TSPAN2: variants seen among roughly 807,000 people sequenced by gnomAD.
The protein encoded by TSPAN2 is tetraspanin 2.
In TSPAN2, 24 loss-of-function variants were observed where a neutral mutation model predicts 33.3. The observed-to-expected ratio is 0.72, with a 90% CI of 0.52 to 1.01. The LOEUF is 1.01. Among genes scored for constraint, TSPAN2 ranks in the 50% least tolerant of loss-of-function variants. The pLI, the probability that TSPAN2 is intolerant of heterozygous loss-of-function variation, is 0.00. For synonymous variants in TSPAN2, 114 were observed against 104.5 expected (o/e 1.09, Z -0.56); for missense variants, 278 against 281.3 (o/e 0.99, Z 0.08).
intron 1 of TSPAN2, among the ~76,000 whole-genome samples, chr1:115,080,886 T>C (rs1444914327): frequency 6.6e-6 from 1 of 152,206 alleles, no homozygotes; most frequent in African/African-American, 2.4e-5. Context: ...CAATGACTAC[T>C]GTGACATCTC....
At chr1:115,059,182 A>C (rs1370587915) in intron 4 of TSPAN2, among the ~76,000 whole-genome samples, 1 of 152,200 alleles carries the variant, frequency 6.6e-6, no homozygotes, top group Non-Finnish European at 1.5e-5. Context: ...TACAGTGTAC[A>C]CTGCTCGGGT....
chr1:115,053,510 A>T, intron 6 of TSPAN2, 48 bp from the exon 7 acceptor site: 1 of 1,489,680 alleles, frequency 6.7e-7, no homozygotes, highest in Non-Finnish European at 9.3e-7. Flanking sequence ...TGTATGTGTC[A>T]GTCATTATCC....
At chr1:115,087,282 T>C (rs1648873303) in intron 1 of TSPAN2, among the ~76,000 whole-genome samples, 1 of 151,906 alleles carries the variant, frequency 6.6e-6, no homozygotes, top group Admixed American at 6.6e-5. Flanking sequence ...GGAACCACTT[T>C]TGAGAACCAC....
At chr1:115,053,606 G>T in intron 6 of TSPAN2, 144 bp from the exon 7 acceptor site, 1 of 707,534 alleles carries the variant, frequency 1.4e-6, no homozygotes, top group Non-Finnish European at 2.3e-6. Flanking sequence ...ATTCATCTTT[G>T]ATAACATCAT....
intron 1 of TSPAN2, 102 bp downstream of exon 1, chr1:115,089,262 C>G (rs907346522): frequency 9.6e-6 from 10 of 1,046,282 alleles, no homozygotes; most frequent in Non-Finnish European, 1.2e-5. Context: ...GCCCTCCCCA[C>G]GAGCGCGACT....
chr1:115,086,802 T>C (rs1245767152), intron 1 of TSPAN2, among the ~76,000 whole-genome samples: 2 of 152,206 alleles, frequency 1.3e-5, no homozygotes, highest in African/African-American at 2.4e-5. Context: ...ACAGAATGGG[T>C]CTCAAATTTG....
At chr1:115,050,885 T>C (rs1428620734) in intron 7 of TSPAN2, among the ~76,000 whole-genome samples, 2 of 152,224 alleles carry the variant, frequency 1.3e-5, no homozygotes, top group African/African-American at 4.8e-5. Context: ...AGGTTAATCC[T>C]AGATCTCTTT....
At chr1:115,050,765 C>T (rs1675292800) in intron 7 of TSPAN2, among the ~76,000 whole-genome samples, 1 of 152,100 alleles carries the variant, frequency 6.6e-6, no homozygotes, top group African/African-American at 2.4e-5. Flanking sequence ...TTATTGTTAA[C>T]AAGTAACAAG....
In TSPAN2 at chr1:115,048,033, T is replaced by C. The variant is rs1675201572; in HGVS notation, c.*2457A>G. On this transcript the variant is annotated 3_prime_UTR_variant, in exon 8 of 8. Coordinates refer to ENST00000369516, the MANE Select transcript of TSPAN2 (RefSeq NM_005725.6). ...CAATTTCAGTATATAGAAAATTTAA[T>C]ATGAAATCACTTAAAATATTTCAAC... is the stretch of plus-strand genomic sequence containing the variant. 1 of 151,974 alleles carries C rather than the reference T, an allele frequency of 6.6e-6. No homozygotes were observed. The allele number at this position is 151,974 out of a possible 1,614,324, so 9.4% of individuals were successfully genotyped here.
intron 7 of TSPAN2, 67 bp downstream of exon 7, chr1:115,053,307 TGAAAA>T (rs1647259246): frequency 7.3e-7 from 1 of 1,374,406 alleles, no homozygotes; most frequent in African/African-American, 1.4e-5. Context: ...CTATCACACT[TGAAAA>T]GAAATAAGAT....
intron 1 of TSPAN2, among the ~76,000 whole-genome samples, chr1:115,081,849 G>A (rs758541264): frequency 1.4e-4 from 21 of 151,684 alleles, no homozygotes; most frequent in Non-Finnish European, 2.7e-4. Context: ...TGCTGCAGCC[G>A]TCCTCTACTA....
At chr1:115,086,735 G>A (rs1648848952) in intron 1 of TSPAN2, among the ~76,000 whole-genome samples, 1 of 152,164 alleles carries the variant, frequency 6.6e-6, no homozygotes, top group South Asian at 2.1e-4. Flanking sequence ...AATGAGATGA[G>A]CAGCTTAGGG....
At chr1:115,059,037 T>C in intron 4 of TSPAN2, 56 bp from the exon 5 acceptor site, 1 of 1,345,042 alleles carries the variant, frequency 7.4e-7, no homozygotes, top group Non-Finnish European at 1.1e-6. Context: ...TCAAACATTC[T>C]CCTTTCATCA....
chr1:115,071,316 C>T (rs893766279), intron 2 of TSPAN2, among the ~76,000 whole-genome samples: 1 of 152,090 alleles, frequency 6.6e-6, no homozygotes, highest in Non-Finnish European at 1.5e-5. Flanking sequence ...TTTACTCATT[C>T]AAAAAAGGGA....
intron 1 of TSPAN2, among the ~76,000 whole-genome samples, chr1:115,078,688 C>T (rs1330483707): frequency 6.6e-6 from 1 of 152,172 alleles, no homozygotes; most frequent in African/African-American, 2.4e-5. Flanking sequence ...ACCTCCAGCA[C>T]CTGACCTCTG....
intron 2 of TSPAN2, among the ~76,000 whole-genome samples, chr1:115,071,397 T>C (rs1217372183): frequency 6.6e-6 from 1 of 152,220 alleles, no homozygotes; most frequent in Non-Finnish European, 1.5e-5. Context: ...CTGGAGCCAC[T>C]GCAGCTATCT....
At chr1:115,064,058 GAA>G (rs11392514) in intron 2 of TSPAN2, among the ~76,000 whole-genome samples, 63 of 149,456 alleles carry the variant, frequency 4.2e-4, no homozygotes, top group African/African-American at 1.4e-3. Flanking sequence ...AGTTGAAAAA[GAA>G]AAAAAAAAGT....
intron 4 of TSPAN2, 112 bp from the exon 5 acceptor site, chr1:115,059,093 A>T: frequency 1.2e-6 from 1 of 817,302 alleles, no homozygotes; most frequent in South Asian, 1.5e-5. Context: ...TGCCTTTCTC[A>T]TAAGAATGAT....
At chr1:115,085,532 C>T (rs1309699897) in intron 1 of TSPAN2, among the ~76,000 whole-genome samples, 4 of 152,170 alleles carry the variant, frequency 2.6e-5, no homozygotes, top group Non-Finnish European at 5.9e-5. Flanking sequence ...CAAGGAACCC[C>T]GTAACTCCGA....
Sources: gnomAD v4.1 joint callset for allele counts (sites outside exome capture counted in the v4.1 genomes callset) on GRCh38, gnomAD v4.1.1 for gene constraint, MANE v1.5 for transcripts, NCBI Gene and HGNC (gene_info 2026-07-23, HGNC 2026-07-21) for gene names.